DLG2: variants seen among roughly 807,000 people sequenced by gnomAD.
DLG2 encodes the protein disks large homolog 2.
A neutral mutation model predicts 132.5 loss-of-function variants in DLG2; 45 were observed. That is an observed-to-expected ratio of 0.34 (90% confidence interval 0.27 to 0.44). DLG2 has a LOEUF of 0.44. Among genes scored for constraint, DLG2 ranks in the 20% least tolerant of loss-of-function variants. The pLI, the probability that DLG2 is intolerant of heterozygous loss-of-function variation, is 1.00. For synonymous variants in DLG2, 424 were observed against 419.6 expected (o/e 1.01, Z -0.13); for missense variants, 1,045 against 1,196.9 (o/e 0.87, Z 1.87).
chr11:84,598,556 A>G (rs2099568781), intron 6 of DLG2, among the ~76,000 whole-genome samples: 1 of 152,156 alleles, frequency 6.6e-6, no homozygotes, highest in Non-Finnish European at 1.5e-5. Flanking sequence ...ACGCTTATCT[A>G]AACTATATTG....
intron 6 of DLG2, among the ~76,000 whole-genome samples, chr11:84,779,967 A>AGAACTAATACCAATC (rs1194267104): frequency 6.6e-6 from 1 of 152,026 alleles, no homozygotes; most frequent in East Asian, 1.9e-4. Context: ...TATACAAAGA[A>AGAACTAATACCAATC]GAACTAATAC....
intron 6 of DLG2, among the ~76,000 whole-genome samples, chr11:84,563,089 A>C (rs1236482290): frequency 6.6e-6 from 1 of 152,210 alleles, no homozygotes; most frequent in Non-Finnish European, 1.5e-5. Context: ...TAACGTTTCT[A>C]CTAAAATCCA....
At chr11:84,545,589 G>A (rs1428173804) in intron 6 of DLG2, 1 of 362,978 alleles carries the variant, frequency 2.8e-6, no homozygotes, top group Non-Finnish European at 5.4e-6. Flanking sequence ...TAACTTCACA[G>A]TTGTGGCCAT....
At chr11:84,844,131 GTGTGTATATATA>G (rs2081146553) in intron 6 of DLG2, among the ~76,000 whole-genome samples, 1 of 26,398 alleles carries the variant, frequency 3.8e-5, no homozygotes, top group African/African-American at 1.2e-4. Context: ...GTGTGTGTGT[GTGTGTATATATA>G]TATATATATA....
chr11:84,463,456 A>T lies in DLG2; in HGVS notation c.519+71114T>A, dbSNP rs557423625. Among the ~76,000 whole-genome samples the T allele has an allele frequency of 3.4e-4, 52 of 151,220 alleles. 1 individual carries two copies. In the South Asian group the frequency reaches 0.011, roughly 31 times the overall value. ...CATATCTGAGCCCTCTGTGCTAAGG[A>T]CTGCACTCCTAATACTCTTGTTGTC... On this transcript the variant is annotated intron_variant, in intron 7 of 27. Coordinates refer to ENST00000376104, the MANE Select transcript of DLG2 (RefSeq NM_001142699.3).
chr11:83,647,726 G>A (rs1218230832), intron 18 of DLG2: 1 of 152,108 alleles, frequency 6.6e-6, no homozygotes, highest in Non-Finnish European at 1.5e-5. Flanking sequence ...TTGGACCTTA[G>A]ATTATTTACC....
chr11:84,782,297 A>G (rs544057246), intron 6 of DLG2, among the ~76,000 whole-genome samples: 47 of 152,218 alleles, frequency 3.1e-4, no homozygotes, highest in Middle Eastern at 3.4e-3. Flanking sequence ...TAAATATATC[A>G]CTAGGTACCT....
chr11:84,298,636 A>G (rs1289920238), intron 7 of DLG2, among the ~76,000 whole-genome samples: 1 of 152,258 alleles, frequency 6.6e-6, no homozygotes, highest in Non-Finnish European at 1.5e-5. Context: ...AGTAACTACA[A>G]TGCTAAGTGT....
At chr11:85,072,367 T>C (rs1332891283) in intron 6 of DLG2, among the ~76,000 whole-genome samples, 2 of 151,758 alleles carry the variant, frequency 1.3e-5, no homozygotes, top group Non-Finnish European at 2.9e-5. Context: ...CTACGCTCAC[T>C]CTCCCCTCAA....
chr11:84,044,635 G>A (rs191963695), intron 11 of DLG2, among the ~76,000 whole-genome samples: 2 of 151,846 alleles, frequency 1.3e-5, no homozygotes, highest in African/African-American at 4.8e-5. Flanking sequence ...CCTACACCAA[G>A]TTGCATCTAA....
At chr11:83,916,128 A>G (rs1342462643) in intron 15 of DLG2, among the ~76,000 whole-genome samples, 1 of 152,052 alleles carries the variant, frequency 6.6e-6, no homozygotes, top group Non-Finnish European at 1.5e-5. Context: ...CATACCACAT[A>G]CTATTTATCC....
intron 11 of DLG2, among the ~76,000 whole-genome samples, chr11:83,985,484 T>A (rs2093200379): frequency 6.6e-6 from 1 of 152,080 alleles, no homozygotes; most frequent in Admixed American, 6.6e-5. Flanking sequence ...CCATTAGCTA[T>A]TCTTCCTGAT....
chr11:84,174,525 A>G (rs1264860383), intron 8 of DLG2, among the ~76,000 whole-genome samples: 1 of 152,212 alleles, frequency 6.6e-6, no homozygotes, highest in Non-Finnish European at 1.5e-5. Context: ...CTAATGCCAC[A>G]TACGCTGCCT....
chr11:85,449,771 C>T (rs973148127), intron 3 of DLG2, among the ~76,000 whole-genome samples: 4 of 139,340 alleles, frequency 2.9e-5, no homozygotes, highest in South Asian at 2.3e-4. Flanking sequence ...TGAGTGCTTT[C>T]GAATTGGAAC....
intron 3 of DLG2, among the ~76,000 whole-genome samples, chr11:85,409,609 T>C (rs1009482692): frequency 7.2e-5 from 11 of 151,750 alleles, no homozygotes; most frequent in African/African-American, 2.7e-4. Flanking sequence ...GGTTACACAT[T>C]AAAGAATCTT....
intron 2 of DLG2, among the ~76,000 whole-genome samples, chr11:85,607,580 A>G (rs2080668990): frequency 1.3e-5 from 2 of 152,140 alleles, no homozygotes; most frequent in Non-Finnish European, 2.9e-5. Flanking sequence ...TATAAGAATG[A>G]TTTCTAGTAT....
chr11:85,581,872 A>G (rs1256214329), intron 3 of DLG2, among the ~76,000 whole-genome samples: 1 of 152,200 alleles, frequency 6.6e-6, no homozygotes, highest in Non-Finnish European at 1.5e-5. Context: ...AAGAAAGGTC[A>G]GCAGCTAATG....
intron 7 of DLG2, among the ~76,000 whole-genome samples, chr11:84,502,188 C>CTT (rs1389598310): frequency 7.8e-4 from 9 of 11,532 alleles, no homozygotes; most frequent in African/African-American, 3.3e-3. Flanking sequence ...CTCTCTCTTT[C>CTT]TCTCTCTCTC....
In DLG2 at chr11:85,159,573, T is replaced by C. The variant is rs536501884; in HGVS notation, c.187-4922A>G. ...CCTATTTGGCCTGTGCAGAAGACAG[T>C]TGGATCTTGGAGAAGGACAGTGGAT... is the stretch of plus-strand genomic sequence containing the variant. On this transcript the variant is annotated intron_variant, in intron 4 of 27. Transcript: ENST00000376104. Among the ~76,000 whole-genome samples, 6 of 152,330 alleles carry C rather than the reference T, an allele frequency of 3.9e-5. No homozygotes were observed. The South Asian group carries it at 8.3e-4, about 21-fold the overall frequency.
Sources: allele counts gnomAD v4.1 joint callset (sites outside exome capture counted in the v4.1 genomes callset), GRCh38; gene constraint gnomAD v4.1.1; transcripts MANE v1.5; gene names NCBI Gene and HGNC (gene_info 2026-07-23, HGNC 2026-07-21).